STING1: variants seen among roughly 807,000 people sequenced by gnomAD.
STING1 encodes the protein stimulator of interferon response cGAMP interactor 1, also known as stimulator of interferon genes protein.
In STING1, 19 loss-of-function variants were observed where a neutral mutation model predicts 31.6. That is an observed-to-expected ratio of 0.60 (90% confidence interval 0.42 to 0.88). STING1 has a LOEUF of 0.88. Among genes scored for constraint, STING1 ranks in the 40% least tolerant of loss-of-function variants. The pLI is 0.00. For synonymous variants in STING1, 200 were observed against 208.6 expected (o/e 0.96, Z 0.35); for missense variants, 371 against 483.7 (o/e 0.77, Z 2.19).
At chr5:139,478,769 T>C in intron 5 of STING1, 1 of 450,562 alleles carries the variant, frequency 2.2e-6, no homozygotes, top group Non-Finnish European at 4.1e-6. Flanking sequence ...CACCATGGCT[T>C]TCAGGGCTGA....
In STING1 at chr5:139,481,225, C is replaced by A. The variant is rs780783675; in HGVS notation, c.345G>T (p.Pro115=). 7 of 1,614,158 alleles carry A rather than the reference C, an allele frequency of 4.3e-6. No homozygotes were observed. The highest frequency in any genetic ancestry group is 5.1e-6 in the Non-Finnish European group (6 of 1,180,008). The stretch of plus-strand genomic sequence containing the variant: ...GGAGGGCAAGCATCCAAGTGAAGGG[C>A]GGGCCGACCGCATTTGGGAGGGAGT... ...FYYSLPNAVG[P]PFTWMLALLG... is the part of the protein sequence containing the mutation. The change falls in exon 4 of 8, where the codon CCG becomes CCT. Residue 115 remains proline, a synonymous_variant. Transcript: ENST00000330794. This position sits in a 1 kb window ranked among gnomAD's most constrained non-coding sequence, Gnocchi z 4.1.
At position 139,482,747 on chromosome 5, in the gene STING1, T is replaced by C. The variant is rs1164653337; in HGVS notation, c.-291A>G. 1 of 152,022 alleles carries C rather than the reference T, an allele frequency of 6.6e-6. No homozygotes were observed. Among genetic ancestry groups the C allele is most frequent in the South Asian group, 2.1e-4 (1 of 4,818 alleles). 9.4% of individuals were successfully genotyped at this position (152,022 alleles called of 1,614,324 possible). A position where few individuals can be genotyped will look rare whatever the true frequency, so the allele number is the denominator to read the frequency against. Reference sequence around the variant, plus strand: ...AAAAGTGTGACCTAGGAGGGAGGAGTGAAAAATGAACAGTTATTTCCGGTA... The same window carrying C: ...AAAAGTGTGACCTAGGAGGGAGGAGCGAAAAATGAACAGTTATTTCCGGTA... On this transcript the variant is annotated 5_prime_UTR_variant, in exon 1 of 8. Transcript: ENST00000330794.
chr5:139,481,411 G>T lies in STING1; in HGVS notation c.227+67C>A. The T allele has an allele frequency of 6.3e-7, 1 of 1,587,696 alleles. No individual in the cohort carries two copies. Among genetic ancestry groups the T allele is most frequent in the Non-Finnish European group, 8.6e-7 (1 of 1,164,084 alleles). On this transcript the variant is annotated intron_variant, in intron 3 of 7. Coordinates refer to ENST00000330794, the MANE Select transcript of STING1 (RefSeq NM_198282.4). The surrounding 1 kb of genome is among the most constrained non-coding windows in gnomAD (Gnocchi z 4.1). ...CTCAGCCAGAGAGGTTCAAGGAGGG[G>T]CAGGGCTAGGCATCAAGGGAGTGAC...
Position 139,481,172 on chromosome 5 carries a change from A to T in STING1, c.398T>A (p.Leu133His), listed in dbSNP as rs756483516. Residue 133 changes from leucine (L) to histidine (H), a missense_variant, in exon 4 of 8, where the codon CTC (leucine) becomes CAC (histidine). Leu to His is a moderately conservative substitution (Grantham distance 99). Coordinates refer to ENST00000330794, the MANE Select transcript of STING1 (RefSeq NM_198282.4). This position sits in a 1 kb window ranked among gnomAD's most constrained non-coding sequence, Gnocchi z 4.1. ...LLGLSQALNI[L>H]LGLKGLAPAE... is the part of the protein sequence containing the mutation. ...CCTGTGTCATACCTTGAGGCCCAGG[A>T]GGATGTTCAGTGCCTGCGAGAGGCC... The T allele has an allele frequency of 5.6e-6, 9 of 1,614,058 alleles. No individual in the cohort carries two copies. Among genetic ancestry groups the T allele is most frequent in the African/African-American group, 5.3e-5 (4 of 74,924 alleles).
chr5:139,481,250 T>C lies in STING1; in HGVS notation c.320A>G (p.Tyr107Cys). The C allele has an allele frequency of 6.2e-7, 1 of 1,612,806 alleles. No homozygotes were observed. The highest frequency in any genetic ancestry group is 1.1e-5 in the South Asian group (1 of 90,994). The change falls in exon 4 of 8, where the codon TAC (tyrosine) becomes TGC (cysteine). Residue 107 changes from tyrosine (Y) to cysteine (C), a missense_variant. Coordinates refer to ENST00000330794, the MANE Select transcript of STING1 (RefSeq NM_198282.4). The surrounding 1 kb of genome is among the most constrained non-coding windows in gnomAD (Gnocchi z 4.1). ...ALLLLSIYFY[Y>C]SLPNAVGPPF... Reference sequence around the variant, plus strand: ...CGGGCCGACCGCATTTGGGAGGGAGTAGTAGAAATAGATGGACAGCAGCAA... The same window carrying C: ...CGGGCCGACCGCATTTGGGAGGGAGCAGTAGAAATAGATGGACAGCAGCAA...
intron 6 of STING1, among the ~76,000 whole-genome samples, 154 bp from the exon 7 acceptor site, chr5:139,477,669 G>GT (rs1561482604): frequency 2.0e-4 from 30 of 152,260 alleles, no homozygotes; most frequent in African/African-American, 7.2e-4. Context: ...CACCCTAATG[G>GT]GGTCTATGCT....
At chr5:139,479,848 CAAA>C (rs1168023127) in intron 5 of STING1, among the ~76,000 whole-genome samples, 12 of 34,916 alleles carry the variant, frequency 3.4e-4, no homozygotes, top group African/African-American at 7.2e-4. Flanking sequence ...ACTAAAAATA[CAAA>C]AAAAAAAAAA....
At chr5:139,478,212 C>G in intron 6 of STING1, 58 bp downstream of exon 6, 1 of 1,340,318 alleles carries the variant, frequency 7.5e-7, no homozygotes, top group Non-Finnish European at 1.0e-6. Flanking sequence ...TTGGCTAGGG[C>G]CCAGGGTTCT....
intron 7 of STING1, among the ~76,000 whole-genome samples, chr5:139,476,903 T>TAAA (rs1337081286): frequency 2.5e-5 from 1 of 40,814 alleles, no homozygotes; most frequent in African/African-American, 5.5e-5. Context: ...AGACTCCATC[T>TAAA]CAAAAAAAAA....
chr5:139,476,953 T>C (rs1417916730), intron 7 of STING1, among the ~76,000 whole-genome samples: 6 of 150,404 alleles, frequency 4.0e-5, no homozygotes, highest in African/African-American at 1.5e-4. Flanking sequence ...TTCCACCCTC[T>C]TACTTTTAAA....
Position 139,480,896 on chromosome 5 carries a change from GCC to G in STING1, c.412_413del (p.Gly138ProfsTer5). On this transcript the variant is annotated frameshift_variant and splice_region_variant, in exon 5 of 8. Transcript: ENST00000330794. LOFTEE classifies it high-confidence loss of function. The part of the protein sequence containing the change: ...QALNILLGLK[G>X]LAPAEISAVC... ...CTGCAGAGATCTCAGCTGGGGCCAG[GCC>G]CTGTGGACAGCAGGATGTGGCTGGG... 6.2e-7 allele frequency: 1 copy of G among 1,612,646 alleles called. No homozygotes were observed.
At chr5:139,477,590 C>G (rs531308524) in intron 6 of STING1, 75 bp from the exon 7 acceptor site, 3 of 1,486,372 alleles carry the variant, frequency 2.0e-6, no homozygotes, top group South Asian at 1.3e-5. Context: ...AGTCCAGGCT[C>G]TGGCCCCCAG....
chr5:139,481,910 A>G lies in STING1; in HGVS notation c.1-206T>C, dbSNP rs559010170. On this transcript the variant is annotated intron_variant, in intron 2 of 7. Coordinates refer to ENST00000330794, the MANE Select transcript of STING1 (RefSeq NM_198282.4). This position sits in a 1 kb window ranked among gnomAD's most constrained non-coding sequence, Gnocchi z 4.1. Reference sequence around the variant, plus strand: ...TCTCAGCGAGGTTTGCTGAAAACAGAGCAGGGCCTGCACATACACGCCCCA... The same window carrying G: ...TCTCAGCGAGGTTTGCTGAAAACAGGGCAGGGCCTGCACATACACGCCCCA... 2.8e-4 allele frequency: 162 copies of G among 574,888 alleles called. 1 individual carries two copies. The highest frequency in any genetic ancestry group is 4.7e-4 in the Non-Finnish European group (152 of 322,742). The allele number at this position is 574,888 out of a possible 1,614,324, so 35.6% of individuals were successfully genotyped here.
chr5:139,477,962 G>A (rs1424228987), intron 6 of STING1, among the ~76,000 whole-genome samples: 1 of 152,136 alleles, frequency 6.6e-6, no homozygotes, highest in Admixed American at 6.5e-5. Context: ...CTTTCCTACG[G>A]TGTCTCTGAG....
chr5:139,478,263 C>T lies in STING1; in HGVS notation c.759+7G>A. On this transcript the variant is annotated splice_region_variant and intron_variant, in intron 6 of 7. Transcript: ENST00000330794. Reference sequence around the variant, plus strand: ...CCTCAGAGACCCCCACTCCCCTGCACACTTACCCGCTGCCCGTTCTCCAGA... The same window carrying T: ...CCTCAGAGACCCCCACTCCCCTGCATACTTACCCGCTGCCCGTTCTCCAGA... The T allele has an allele frequency of 6.2e-7, 1 of 1,608,900 alleles. No homozygotes were observed. Among genetic ancestry groups the T allele is most frequent in the Non-Finnish European group, 8.5e-7 (1 of 1,176,646 alleles).
At chr5:139,480,956 C>T (rs897953237) in intron 4 of STING1, 58 bp from the exon 5 acceptor site, 1 of 1,387,878 alleles carries the variant, frequency 7.2e-7, no homozygotes, top group Non-Finnish European at 1.0e-6. Context: ...GAGAACTCCT[C>T]CTCCTCCTCC....
chr5:139,479,233 AAAC>A (rs79292081), intron 5 of STING1: 28,752 of 147,290 alleles, frequency 0.2, 2,919 homozygotes, highest in Non-Finnish European at 0.21. Flanking sequence ...CTTCATCTCA[AAAC>A]AACAACAACA....
chr5:139,477,192 G>A, intron 7 of STING1, 137 bp downstream of exon 7: 1 of 887,368 alleles, frequency 1.1e-6, no homozygotes, highest in Non-Finnish European at 1.8e-6. Context: ...CTGGGAAGAG[G>A]GGGCTTCTCC....
chr5:139,478,271 C>T lies in STING1; in HGVS notation c.758G>A (p.Arg253Gln), dbSNP rs148833313. 426 of 1,611,418 alleles carry T rather than the reference C, an allele frequency of 2.6e-4. 1 individual carries two copies. Among genetic ancestry groups the T allele is most frequent in the Non-Finnish European group, 3.3e-4 (387 of 1,178,400 alleles). ...SIYELLENGQ[R>Q]AGTCVLEYAT... ...ACCCCCACTCCCCTGCACACTTACC[C>T]GCTGCCCGTTCTCCAGAAGCTCATA... The change falls in exon 6 of 8, where the codon CGG becomes CAG. Residue 253 changes from arginine (R) to glutamine (Q), a missense_variant and splice_region_variant. Coordinates refer to ENST00000330794, the MANE Select transcript of STING1 (RefSeq NM_198282.4).
Sources: gnomAD v4.1 joint callset for allele counts (sites outside exome capture counted in the v4.1 genomes callset) on GRCh38, gnomAD v4.1.1 for gene constraint, Gnocchi (gnomAD v3.1) non-coding constraint, MANE v1.5 for transcripts, NCBI Gene and HGNC (gene_info 2026-07-23, HGNC 2026-07-21) for gene names.